CTTN: variants seen among roughly 807,000 people sequenced by gnomAD.
CTTN encodes the protein src substrate cortactin.
CTTN carries 28 observed loss-of-function variants against 84.0 expected under a neutral mutation model. That is an observed-to-expected ratio of 0.33 (90% CI 0.25 to 0.46). The LOEUF (loss-of-function observed/expected upper bound fraction) is 0.46, where lower values mean the gene tolerates loss of function less well. Ranked by LOEUF, CTTN falls within the 20% of genes least tolerant of loss-of-function variation. CTTN has a pLI of 1.00. For missense variants in CTTN, 641 were observed against 723.8 expected, an observed-to-expected ratio of 0.89 and a Z score of 1.31; for synonymous variants, 301 against 288.8, an observed-to-expected ratio of 1.04 and a Z score of -0.43.
In CTTN at chr11:70,433,102, A is replaced by G. The variant is rs200211341; in HGVS notation, c.1268A>G (p.Asp423Gly). The part of the protein sequence containing the change: ...ERLPSSPVYE[D>G]AASFKAELSY... ...CATGTGCGTGTGACCCTTCCCCAGG[A>G]TGCGGCTTCCTTCAAGGCAGAGCTG... Residue 423 changes from aspartate to glycine, a missense_variant and splice_region_variant, in exon 16 of 18, where the codon GAT becomes GGT. This residue lies in a region of CTTN where 289 missense variants were observed against 273.1 expected (regional missense o/e 1.06). Coordinates refer to ENST00000301843, the MANE Select transcript of CTTN (RefSeq NM_005231.4). 8 of 1,613,072 alleles carry G rather than the reference A, an allele frequency of 5.0e-6. No individual in the cohort carries two copies. In the East Asian group the frequency reaches 1.8e-4, roughly 36 times the overall value.
chr11:70,414,400 C>T lies in CTTN; in HGVS notation c.292-142C>T, dbSNP rs567845912. 1,859 of 562,518 alleles carry T rather than the reference C, an allele frequency of 3.3e-3. 8 individuals are homozygous for T. Among genetic ancestry groups the T allele is most frequent in the Non-Finnish European group, 4.8e-3 (1,544 of 319,918 alleles). The allele number at this position is 562,518 out of a possible 1,614,324, so 34.8% of individuals were successfully genotyped here. On this transcript the variant is annotated intron_variant, in intron 5 of 17. Coordinates refer to ENST00000301843, the MANE Select transcript of CTTN (RefSeq NM_005231.4). The stretch of plus-strand genomic sequence containing the variant: ...GGCCTCCCAGGAGTCGTGTCGCCTT[C>T]CTTGGCTCCCCAGATGGGTGTGTTA...
intron 1 of CTTN, among the ~76,000 whole-genome samples, chr11:70,402,622 A>G (rs1007157811): frequency 1.3e-5 from 2 of 152,170 alleles, no homozygotes; most frequent in Non-Finnish European, 2.9e-5. Flanking sequence ...CCTTTGCGCA[A>G]TGGATTTGAG....
rs760927315 is a variant in CTTN at position 70,433,274 on chromosome 11, C to T, written c.1440C>T (p.Pro480=). 20 of 1,608,030 alleles carry T rather than the reference C, an allele frequency of 1.2e-5. 1 individual carries two copies. The highest frequency in any genetic ancestry group is 1.0e-4 in the Admixed American group (6 of 59,348). Reference sequence around the variant, plus strand: ...GCGCAGAGGCCCCGGGCCACTATCCCGCAGGTACTGGGGCCCCACGCTGCA... The same window carrying T: ...GCGCAGAGGCCCCGGGCCACTATCCTGCAGGTACTGGGGCCCCACGCTGCA... ...YESAEAPGHY[P]AEDSTYDEYE... is the part of the protein sequence containing the mutation. Residue 480 remains proline, a synonymous_variant, in exon 16 of 18, where the codon CCC becomes CCT. Transcript: ENST00000301843.
At position 70,429,035 on chromosome 11, in the gene CTTN, C is replaced by T. The variant is rs745978052; in HGVS notation, c.1028-16C>T. 120 of 1,613,848 alleles carry T rather than the reference C, an allele frequency of 7.4e-5. No homozygotes were observed. The highest frequency in any genetic ancestry group is 8.7e-5 in the Non-Finnish European group (103 of 1,179,884). On this transcript the variant is annotated splice_polypyrimidine_tract_variant and intron_variant, in intron 13 of 17. Coordinates refer to ENST00000301843, the MANE Select transcript of CTTN (RefSeq NM_005231.4). ...TGCTGTGCTCAAGGCACACGTCCTC[C>T]CTCCTTCCTCTATAGTGACCAGCAA...
chr11:70,431,308 G>A (rs768423704), intron 15 of CTTN, 28 bp downstream of exon 15: 93 of 1,606,326 alleles, frequency 5.8e-5, no homozygotes, highest in Admixed American at 8.3e-5. Context: ...TTGAATGAGC[G>A]TGAGTGACTT....
chr11:70,403,597 T>C (rs994496573), intron 1 of CTTN, among the ~76,000 whole-genome samples: 8 of 152,176 alleles, frequency 5.3e-5, no homozygotes, highest in African/African-American at 1.9e-4. Context: ...AATTTATTTT[T>C]TTCCTCTAGT....
At chr11:70,426,425 A>AG (rs1555142841) in intron 13 of CTTN, among the ~76,000 whole-genome samples, 10 of 151,636 alleles carry the variant, frequency 6.6e-5, no homozygotes, top group Non-Finnish European at 1.0e-4. Flanking sequence ...AAAAAAAAAA[A>AG]AGAGAGAGAG....
intron 2 of CTTN, 72 bp from the exon 3 acceptor site, chr11:70,407,226 A>C: frequency 7.6e-7 from 1 of 1,323,546 alleles, no homozygotes; most frequent in Non-Finnish European, 1.1e-6. Flanking sequence ...AGTTTTGGCC[A>C]AAGGGCTCAT....
chr11:70,415,949 C>T (rs2058153426), intron 7 of CTTN: 2 of 487,930 alleles, frequency 4.1e-6, no homozygotes, highest in South Asian at 5.8e-5. Flanking sequence ...TACACATCCC[C>T]CTCGGAGCCC....
intron 13 of CTTN, among the ~76,000 whole-genome samples, chr11:70,425,874 C>T (rs1044211365): frequency 3.9e-5 from 6 of 152,234 alleles, no homozygotes; most frequent in Non-Finnish European, 8.8e-5. Flanking sequence ...GTGCTGGACA[C>T]ACGATGGAGT....
Position 70,423,007 on chromosome 11 carries a change from A to G in CTTN, c.957+12A>G, listed in dbSNP as rs755422743. On this transcript the variant is annotated intron_variant, in intron 12 of 17. Transcript: ENST00000301843. ...ATCGGATGGATAAGGTAAATATTCC[A>G]GCCCCGGAGCTTAGTGTCTTCTGCC... The G allele has an allele frequency of 1.9e-6, 3 of 1,613,198 alleles. No homozygotes were observed. Among genetic ancestry groups the G allele is most frequent in the Non-Finnish European group, 2.5e-6 (3 of 1,179,812 alleles).
At chr11:70,429,675 C>G (rs1286237557) in intron 14 of CTTN, among the ~76,000 whole-genome samples, 3 of 152,184 alleles carry the variant, frequency 2.0e-5, no homozygotes, top group Admixed American at 6.5e-5. Flanking sequence ...CCCGCTCACC[C>G]AAGCCCCTGG....
At chr11:70,402,080 G>A (rs2057991227) in intron 1 of CTTN, among the ~76,000 whole-genome samples, 1 of 152,170 alleles carries the variant, frequency 6.6e-6, no homozygotes, top group Admixed American at 6.5e-5. Flanking sequence ...TTGAACCTGG[G>A]AGACAGAGGT....
rs762002845 is a variant in CTTN, at chr11:70,433,132, A to G, written c.1298A>G (p.Tyr433Cys). Residue 433 changes from tyrosine (Y) to cysteine (C), a missense_variant, in exon 16 of 18, where the codon TAC (tyrosine) becomes TGC (cysteine). Around this residue, in one of 3 missense-constraint regions of CTTN, gnomAD observed 289 missense variants for 273.1 expected, o/e 1.06. Transcript: ENST00000301843. ...DAASFKAELS[Y>C]RGPVSGTEPE... ...GCTTCCTTCAAGGCAGAGCTGAGCT[A>G]CAGAGGCCCTGTGAGTGGGACGGAG... 3.0e-5 allele frequency: 49 copies of G among 1,613,710 alleles called. No homozygotes were observed. The highest frequency in any genetic ancestry group is 4.0e-5 in the Non-Finnish European group (47 of 1,179,994).
At chr11:70,433,340 C>T (rs1489511562) in intron 16 of CTTN, 62 bp downstream of exon 16, 19 of 1,487,272 alleles carry the variant, frequency 1.3e-5, no homozygotes, top group African/African-American at 5.6e-5. Flanking sequence ...ACATCCTGCT[C>T]GACCTGTGGC....
chr11:70,419,389 C>T (rs894244664), intron 8 of CTTN, among the ~76,000 whole-genome samples: 4 of 152,068 alleles, frequency 2.6e-5, no homozygotes, highest in African/African-American at 4.8e-5. Flanking sequence ...TGATTACAGG[C>T]GTGAGCCCCC....
rs774204601 is a variant in CTTN, at chr11:70,419,750, C to A, written c.573C>A (p.Tyr191Ter). 1 of 1,609,310 alleles carries A rather than the reference C, an allele frequency of 6.2e-7. No homozygotes were observed. The highest frequency in any genetic ancestry group is 8.5e-7 in the Non-Finnish European group (1 of 1,178,874). The change falls in exon 9 of 18, where the codon TAC becomes TAA. Residue 191 changes from tyrosine to a stop codon, truncating the protein, a stop_gained. Transcript: ENST00000301843. LOFTEE classifies it high-confidence loss of function. ...TCCTTTTTTGTTTGTTTTTAGATTA[C>A]TCCAAAGGTTTCGGCGGCAAATACG... ...KTEKHESQRD[Y>*]SKGFGGKYGI...
chr11:70,426,849 C>T (rs914957910), intron 13 of CTTN, among the ~76,000 whole-genome samples: 3 of 151,768 alleles, frequency 2.0e-5, no homozygotes, highest in Non-Finnish European at 2.9e-5. Flanking sequence ...ATCTGCCCGC[C>T]TCGGCCTCCC....
At chr11:70,399,307 T>G (rs1591425140) in intron 1 of CTTN, among the ~76,000 whole-genome samples, 1 of 90,774 alleles carries the variant, frequency 1.1e-5, no homozygotes, top group Non-Finnish European at 2.2e-5. Flanking sequence ...GGGGAAGGGG[T>G]CGGGGCTCGG....
Sources: gnomAD v4.1 joint callset for allele counts (sites outside exome capture counted in the v4.1 genomes callset) on GRCh38, gnomAD v4.1.1 for gene constraint, gnomAD v4.1.1 regional missense constraint, MANE v1.5 for transcripts, NCBI Gene and HGNC (gene_info 2026-07-23, HGNC 2026-07-21) for gene names.